SHMT1: variants seen among roughly 807,000 people sequenced by gnomAD.
SHMT1 encodes serine hydroxymethyltransferase 1.
Under a neutral mutation model 49.0 loss-of-function variants are expected in SHMT1, and 45 were observed. The observed-to-expected ratio is 0.92, with a 90% CI of 0.72 to 1.18. SHMT1 has a LOEUF of 1.18. Ranked by LOEUF, SHMT1 falls within the 50% of genes most tolerant of loss-of-function variation. The pLI is 0.00. For synonymous variants in SHMT1, 232 were observed against 246.6 expected (o/e 0.94, Z 0.55); for missense variants, 541 against 612.4 (o/e 0.88, Z 1.23).
chr17:18,331,518 G>T (rs1178863994), intron 9 of SHMT1: 1 of 152,828 alleles, frequency 6.5e-6, no homozygotes, highest in African/African-American at 2.4e-5. Flanking sequence ...CACCAAAGAG[G>T]GCATTTGCAA....
intron 5 of SHMT1, chr17:18,341,226 GAAGAA>G (rs1984468348): frequency 4.2e-6 from 1 of 237,488 alleles, no homozygotes; most frequent in African/African-American, 2.3e-5. Flanking sequence ...GATTAGGAAA[GAAGAA>G]ATTTAAAAAC....
intron 11 of SHMT1, 46 bp downstream of exon 11, chr17:18,329,232 A>G (rs755431655): frequency 1.0e-5 from 14 of 1,361,618 alleles, no homozygotes; most frequent in Non-Finnish European, 1.2e-5. Context: ...ATCAGAAACT[A>G]AATACACACA....
At chr17:18,353,956 T>C (rs1167359999) in intron 2 of SHMT1, 139 bp from the exon 3 acceptor site, 2 of 814,124 alleles carry the variant, frequency 2.5e-6, no homozygotes, top group Non-Finnish European at 4.1e-6. Context: ...AAGGTTTTAG[T>C]ATCTGAGAAA....
chr17:18,353,890 C>A (rs1242479277), intron 2 of SHMT1, 73 bp from the exon 3 acceptor site: 2 of 1,314,600 alleles, frequency 1.5e-6, no homozygotes, highest in East Asian at 2.3e-5. Flanking sequence ...CAAATTACAA[C>A]CTCCTAAAGA....
At chr17:18,339,953 G>A in intron 7 of SHMT1, 90 bp downstream of exon 7, 1 of 1,324,050 alleles carries the variant, frequency 7.6e-7, no homozygotes, top group Non-Finnish European at 1.1e-6. Context: ...CCAGGTCAGA[G>A]TTTTTCCCAG....
At chr17:18,347,333 C>T (rs774606891) in intron 5 of SHMT1, among the ~76,000 whole-genome samples, 163 bp downstream of exon 5, 3 of 152,190 alleles carry the variant, frequency 2.0e-5, no homozygotes, top group Admixed American at 6.5e-5. Context: ...GCTGCCCCAG[C>T]GGGTCCTGAA....
intron 1 of SHMT1, among the ~76,000 whole-genome samples, chr17:18,357,139 G>A (rs1986310285): frequency 6.6e-6 from 1 of 151,822 alleles, no homozygotes; most frequent in Admixed American, 6.6e-5. Flanking sequence ...AAATGAGCTG[G>A]ACGTTGTGGC....
intron 8 of SHMT1, among the ~76,000 whole-genome samples, chr17:18,335,173 A>G (rs949904269): frequency 4.6e-5 from 7 of 152,238 alleles, no homozygotes; most frequent in Non-Finnish European, 2.9e-5. Context: ...TGAGGATCAG[A>G]CACAGGGTCC....
intron 9 of SHMT1, chr17:18,332,096 TTCC>T (rs1415707788): frequency 2.6e-5 from 4 of 152,222 alleles, no homozygotes; most frequent in African/African-American, 9.7e-5. Flanking sequence ...TGCGGCCAGG[TTCC>T]TAACAGACCA....
rs1282706890 is a variant in SHMT1 at position 18,328,486 on chromosome 17, A to C, written c.*264T>G. The C allele has an allele frequency of 3.2e-5, 16 of 505,346 alleles. No homozygotes were observed. In the East Asian group the frequency reaches 3.9e-4, roughly 12 times the overall value. 31.3% of individuals were successfully genotyped at this position (505,346 alleles called of 1,614,324 possible). A position where few individuals can be genotyped will look rare whatever the true frequency, so the allele number is the denominator to read the frequency against. On this transcript the variant is annotated 3_prime_UTR_variant, in exon 12 of 12. Coordinates refer to ENST00000316694, the MANE Select transcript of SHMT1 (RefSeq NM_004169.5). ...TGACCAAGTGGCGACATAGTATTTT[A>C]TTTTCCTAGAATTATGTCCAGCTGT...
chr17:18,330,689 C>T lies in SHMT1; in HGVS notation c.1055-18G>A, dbSNP rs201996350. Reference sequence around the variant, plus strand: ...AGAACCACCTGGAAACAAAGTTGGACATGTAGAAATGCAGGCGAATTCTAT... The same window carrying T: ...AGAACCACCTGGAAACAAAGTTGGATATGTAGAAATGCAGGCGAATTCTAT... On this transcript the variant is annotated intron_variant, in intron 9 of 11. Transcript: ENST00000316694. 4.9e-4 allele frequency: 759 copies of T among 1,563,704 alleles called. No homozygotes were observed. The highest frequency in any genetic ancestry group is 5.8e-4 in the Non-Finnish European group (654 of 1,133,984).
chr17:18,338,061 C>T, intron 7 of SHMT1, among the ~76,000 whole-genome samples: 1 of 151,202 alleles, frequency 6.6e-6, no homozygotes, highest in Non-Finnish European at 1.5e-5. Context: ...AGCCCCTCTG[C>T]CTGGCTGCCC....
intron 5 of SHMT1, among the ~76,000 whole-genome samples, chr17:18,342,650 G>A (rs961731858): frequency 2.6e-5 from 4 of 151,794 alleles, no homozygotes; most frequent in East Asian, 1.9e-4. Context: ...TAAAACAATC[G>A]AACTGCTGGG....
chr17:18,357,091 C>T (rs918629600), intron 1 of SHMT1, among the ~76,000 whole-genome samples: 1 of 151,796 alleles, frequency 6.6e-6, no homozygotes, highest in African/African-American at 2.4e-5. Flanking sequence ...ACCATCCTGG[C>T]CAACCTGGTG....
At chr17:18,335,712 G>T in intron 7 of SHMT1, 37 bp from the exon 8 acceptor site, 2 of 1,418,912 alleles carry the variant, frequency 1.4e-6, no homozygotes, top group Non-Finnish European at 2.0e-6. Context: ...GATCATAGGG[G>T]CTGTCCCCTC....
chr17:18,338,989 G>T (rs1984166084), intron 7 of SHMT1, among the ~76,000 whole-genome samples: 1 of 125,272 alleles, frequency 8.0e-6, no homozygotes, highest in South Asian at 2.6e-4. Context: ...CTCCACTATT[G>T]TCCTATGACC....
At chr17:18,355,591 T>C (rs1251728173) in intron 2 of SHMT1, among the ~76,000 whole-genome samples, 1 of 152,038 alleles carries the variant, frequency 6.6e-6, no homozygotes, top group African/African-American at 2.4e-5. Flanking sequence ...TGCTTTCAGA[T>C]GTCTAGATAG....
chr17:18,352,389 G>A (rs576256421), intron 3 of SHMT1, among the ~76,000 whole-genome samples: 4 of 152,090 alleles, frequency 2.6e-5, no homozygotes, highest in African/African-American at 4.8e-5. Flanking sequence ...CTCGTGATCC[G>A]CCCGCCTGGG....
chr17:18,331,249 G>GACCA, intron 9 of SHMT1: 1 of 211,444 alleles, frequency 4.7e-6, no homozygotes, highest in Non-Finnish European at 9.6e-6. Context: ...CTGGGGTAGT[G>GACCA]CCTTGGGTGC....
Sources: gnomAD v4.1 joint callset for allele counts (sites outside exome capture counted in the v4.1 genomes callset) on GRCh38, gnomAD v4.1.1 for gene constraint, MANE v1.5 for transcripts, NCBI Gene and HGNC (gene_info 2026-07-23, HGNC 2026-07-21) for gene names.